ADI1: variants seen among roughly 807,000 people sequenced by gnomAD.
ADI1 encodes the protein acireductone dioxygenase.
ADI1 carries 21 observed loss-of-function variants against 18.7 expected under a neutral mutation model. The ratio of observed to expected loss-of-function variants is 1.13; its 90% confidence interval spans 0.80 to 1.62. The LOEUF (loss-of-function observed/expected upper bound fraction) is 1.62. Among genes scored for constraint, ADI1 ranks in the 40% most tolerant of loss-of-function variants. The pLI, the probability that ADI1 is intolerant of heterozygous loss-of-function variation, is 0.00. For synonymous variants in ADI1, 90 were observed against 100.1 expected (o/e 0.90, Z 0.60); for missense variants, 245 against 254.9 (o/e 0.96, Z 0.26).
rs535892517 is a variant in ADI1 at position 3,498,959 on chromosome 2, A to T, written c.*4T>A. 9 of 1,604,844 alleles carry T rather than the reference A, an allele frequency of 5.6e-6. No homozygotes were observed. Among genetic ancestry groups the T allele is most frequent in the African/African-American group, 5.4e-5 (4 of 74,756 alleles). ...AGGCACGTGTTAGTTCCCAGGCAGCACTGCTAGGCGGTCTGTGCCAGAAAT... is the reference window on the plus strand; with the variant it reads ...AGGCACGTGTTAGTTCCCAGGCAGCTCTGCTAGGCGGTCTGTGCCAGAAAT... On this transcript the variant is annotated 3_prime_UTR_variant, in exon 4 of 4. Transcript: ENST00000327435.
In ADI1 at chr2:3,498,777, T is replaced by C. The variant is rs1424189861; in HGVS notation, c.*186A>G. ...GAGTTACAGAAAATGAAGGTGACTCTTTACACTTCCAAGTTGCTTTCTAGA... is the reference window on the plus strand; with the variant it reads ...GAGTTACAGAAAATGAAGGTGACTCCTTACACTTCCAAGTTGCTTTCTAGA... On this transcript the variant is annotated 3_prime_UTR_variant, in exon 4 of 4. Coordinates refer to ENST00000327435, the MANE Select transcript of ADI1 (RefSeq NM_018269.4). 3 of 954,354 alleles carry C rather than the reference T, an allele frequency of 3.1e-6. No homozygotes were observed. In the African/African-American group the frequency reaches 5.0e-5, roughly 16 times the overall value. 59.1% of individuals were successfully genotyped at this position (954,354 alleles called of 1,614,324 possible). A position where few individuals can be genotyped will look rare whatever the true frequency, so the allele number is the denominator to read the frequency against.
At chr2:3,508,399 C>T (rs572152550) in intron 2 of ADI1, among the ~76,000 whole-genome samples, 1 of 147,372 alleles carries the variant, frequency 6.8e-6, no homozygotes, top group Non-Finnish European at 1.5e-5. Flanking sequence ...GAAAACAGTC[C>T]CAAATATGGT....
intron 3 of ADI1, chr2:3,500,449 G>A (rs1295528215): frequency 7.9e-6 from 3 of 378,720 alleles, no homozygotes; most frequent in Non-Finnish European, 9.8e-6. Context: ...CACCAAACAC[G>A]GGCTGGGGTG....
intron 1 of ADI1, chr2:3,516,004 T>C (rs1667400453): frequency 2.0e-6 from 2 of 985,236 alleles, no homozygotes; most frequent in Non-Finnish European, 2.4e-6. Context: ...CTATTTGCTA[T>C]GGTCTGAATG....
In ADI1 at chr2:3,498,630, C is replaced by T; in HGVS notation, c.*333G>A. On this transcript the variant is annotated 3_prime_UTR_variant, in exon 4 of 4. Coordinates refer to ENST00000327435, the MANE Select transcript of ADI1 (RefSeq NM_018269.4). ...TCTAGGATTGCACCTTCTTACACGG[C>T]AGGCGCGGCATCACGTCCAGATGGG... The T allele has an allele frequency of 9.2e-6, 2 of 217,098 alleles. No homozygotes were observed. Among genetic ancestry groups the T allele is most frequent in the East Asian group, 2.0e-4 (2 of 10,136 alleles). 13.4% of individuals were successfully genotyped at this position (217,098 alleles called of 1,614,324 possible). A position where few individuals can be genotyped will look rare whatever the true frequency, so the allele number is the denominator to read the frequency against.
rs1401218666 is a variant in ADI1, at chr2:3,498,709, A to G, written c.*254T>C. On this transcript the variant is annotated 3_prime_UTR_variant, in exon 4 of 4. Coordinates refer to ENST00000327435, the MANE Select transcript of ADI1 (RefSeq NM_018269.4). ...AAACTTTCATTTGGGACTCAACTGAATGCATGAACTAACACAGGGCCATGG... is the reference window on the plus strand; with the variant it reads ...AAACTTTCATTTGGGACTCAACTGAGTGCATGAACTAACACAGGGCCATGG... The G allele has an allele frequency of 2.4e-6, 1 of 409,522 alleles. No individual in the cohort carries two copies. Among genetic ancestry groups the G allele is most frequent in the Non-Finnish European group, 4.2e-6 (1 of 238,018 alleles). 25.4% of individuals were successfully genotyped at this position (409,522 alleles called of 1,614,324 possible).
rs747161443 is a variant in ADI1 at position 3,519,439 on chromosome 2, G to A, written c.49C>T (p.Pro17Ser). The change falls in exon 1 of 4, where the codon CCC (proline) becomes TCC (serine). Residue 17 changes from proline to serine, a missense_variant. Transcript: ENST00000327435. ...MDDAPGDPRQ[P>S]HRPDPGRPVG... Reference sequence around the variant, plus strand: ...GGGCGGCCGGGGTCGGGGCGGTGGGGTTGCCGCGGGTCGCCCGGGGCGTCG... The same window carrying A: ...GGGCGGCCGGGGTCGGGGCGGTGGGATTGCCGCGGGTCGCCCGGGGCGTCG... 1.5e-6 allele frequency: 2 copies of A among 1,361,120 alleles called. No individual in the cohort carries two copies. The highest frequency in any genetic ancestry group is 1.9e-6 in the Non-Finnish European group (2 of 1,062,828). 84.3% of individuals were successfully genotyped at this position (1,361,120 alleles called of 1,614,324 possible).
chr2:3,501,685 A>G (rs11675696), intron 2 of ADI1, among the ~76,000 whole-genome samples: 74,037 of 151,204 alleles, frequency 0.49, 21,348 homozygotes, highest in African/African-American at 0.82. Context: ...CTACCACTAT[A>G]CCCAGCTAAT....
chr2:3,502,343 T>C (rs1667042107), intron 2 of ADI1, among the ~76,000 whole-genome samples: 2 of 152,130 alleles, frequency 1.3e-5, no homozygotes, highest in Non-Finnish European at 2.9e-5. Flanking sequence ...CCTTGTTATG[T>C]GTTACAAAAT....
rs2103217434 is a variant in ADI1 at position 3,519,360 on chromosome 2, T to C, written c.120+8A>G. On this transcript the variant is annotated splice_region_variant and intron_variant, in intron 1 of 3. Transcript: ENST00000327435. ...CCCGCACGCTCTGCGAGGCTTGGGC[T>C]CGCGTACCTTCCAGTAGAGCACCCC... is the stretch of plus-strand genomic sequence containing the variant. 1.4e-6 allele frequency: 2 copies of C among 1,426,758 alleles called. No individual in the cohort carries two copies. Among genetic ancestry groups the C allele is most frequent in the Non-Finnish European group, 1.8e-6 (2 of 1,096,460 alleles). The allele number at this position is 1,426,758 out of a possible 1,614,324, so 88.4% of individuals were successfully genotyped here.
At chr2:3,514,149 T>C (rs950008374) in intron 1 of ADI1, among the ~76,000 whole-genome samples, 173 bp from the exon 2 acceptor site, 1 of 152,228 alleles carries the variant, frequency 6.6e-6, no homozygotes, top group African/African-American at 2.4e-5. Context: ...TTTTCCATTC[T>C]CCAAAACACC....
intron 3 of ADI1, chr2:3,500,495 T>C (rs1666971257): frequency 2.1e-6 from 1 of 486,506 alleles, no homozygotes. Context: ...AAGCAAGGGC[T>C]GGGGCAGGGC....
At position 3,498,229 on chromosome 2, in the gene ADI1, G is replaced by T. The variant is rs1666908136; in HGVS notation, c.*734C>A. The T allele has an allele frequency of 6.6e-6, 1 of 152,124 alleles. No homozygotes were observed. Among genetic ancestry groups the T allele is most frequent in the South Asian group, 2.1e-4 (1 of 4,832 alleles). 9.4% of individuals were successfully genotyped at this position (152,124 alleles called of 1,614,324 possible). ...ACAAACTAGGCATAATCCTATCTCG[G>T]AATTGTTGAGTAGAAAATTTATGTA... On this transcript the variant is annotated 3_prime_UTR_variant, in exon 4 of 4. Transcript: ENST00000327435.
chr2:3,514,072 A>C, intron 1 of ADI1, 96 bp from the exon 2 acceptor site: 1 of 1,404,986 alleles, frequency 7.1e-7, no homozygotes. Context: ...TTATACTCCA[A>C]ATTTATCATT....
intron 2 of ADI1, among the ~76,000 whole-genome samples, chr2:3,503,070 C>T (rs911986979): frequency 6.6e-6 from 1 of 152,142 alleles, no homozygotes; most frequent in African/African-American, 2.4e-5. Flanking sequence ...CACATGCACA[C>T]TCACACAGGC....
intron 1 of ADI1, chr2:3,517,614 A>C (rs2103215390): frequency 6.6e-6 from 1 of 152,262 alleles, no homozygotes; most frequent in East Asian, 1.9e-4. Context: ...AAAAATACAA[A>C]ATTAGCCCGG....
chr2:3,505,960 A>G (rs1449834783), intron 2 of ADI1, among the ~76,000 whole-genome samples: 3 of 152,254 alleles, frequency 2.0e-5, no homozygotes, highest in Non-Finnish European at 2.9e-5. Context: ...CAAAGCTGCC[A>G]GTGTCCTGAC....
chr2:3,519,459 G>A lies in ADI1; in HGVS notation c.29C>T (p.Ala10Val). MVQAWYMDD[A>V]PGDPRQPHRP... ...GTGGGGTTGCCGCGGGTCGCCCGGG[G>A]CGTCGTCCATATACCAGGCCTGCAC... Residue 10 changes from alanine to valine, a missense_variant, in exon 1 of 4, where the codon GCC becomes GTC. By Grantham distance (64) the Ala-to-Val change is moderately conservative. Coordinates refer to ENST00000327435, the MANE Select transcript of ADI1 (RefSeq NM_018269.4). 1.5e-6 allele frequency: 2 copies of A among 1,355,412 alleles called. No individual in the cohort carries two copies. The highest frequency in any genetic ancestry group is 1.9e-6 in the Non-Finnish European group (2 of 1,058,468). The allele number at this position is 1,355,412 out of a possible 1,614,324, so 84.0% of individuals were successfully genotyped here.
intron 2 of ADI1, among the ~76,000 whole-genome samples, chr2:3,502,140 C>G (rs566458280): frequency 1.3e-5 from 2 of 152,240 alleles, no homozygotes; most frequent in African/African-American, 4.8e-5. Context: ...ATCCTCCTGC[C>G]TCAGCCTTCC....
Sources: allele counts gnomAD v4.1 joint callset (sites outside exome capture counted in the v4.1 genomes callset), GRCh38; gene constraint gnomAD v4.1.1; transcripts MANE v1.5; gene names NCBI Gene and HGNC (gene_info 2026-07-23, HGNC 2026-07-21).